Variants in EIF5 observed in about 807,000 individuals in gnomAD.
EIF5 encodes the protein eukaryotic translation initiation factor 5.
Under a neutral mutation model 48.3 loss-of-function variants are expected in EIF5, and 10 were observed. The observed-to-expected ratio is 0.21, with a 90% CI of 0.13 to 0.35. EIF5 has a LOEUF of 0.35. Ranked by LOEUF, EIF5 falls within the 10% of genes least tolerant of loss-of-function variation. The pLI is 1.00. For missense variants in EIF5, 397 were observed against 533.2 expected, an observed-to-expected ratio of 0.74 and a Z score of 2.51; for synonymous variants, 237 against 173.1, an observed-to-expected ratio of 1.37 and a Z score of -2.90.
intron 8 of EIF5, 31 bp downstream of exon 8, chr14:103,338,924 T>C (rs2089320890): frequency 6.2e-7 from 1 of 1,606,774 alleles, no homozygotes; most frequent in Non-Finnish European, 8.5e-7. Context: ...GTAAATCAGC[T>C]TCAACCCAGC....
In EIF5 at chr14:103,336,772, A is replaced by C. The variant is rs1246304898; in HGVS notation, c.250A>C (p.Lys84Gln). The C allele has an allele frequency of 6.2e-7, 1 of 1,614,206 alleles. No individual in the cohort carries two copies. Among genetic ancestry groups the C allele is most frequent in the Non-Finnish European group, 8.5e-7 (1 of 1,180,042 alleles). ...TGTCAATGGATCTCATGAGGCGAAT[A>C]AGCTGCAAGACATGTTGGATGGATT... ...YIVNGSHEAN[K>Q]LQDMLDGFIK... Residue 84 changes from lysine to glutamine, a missense_variant, in exon 5 of 12, where the codon AAG becomes CAG. Physicochemically the swap from Lys to Gln is moderately conservative, Grantham distance 53. Coordinates refer to ENST00000216554, the MANE Select transcript of EIF5 (RefSeq NM_001969.5).
intron 2 of EIF5, 127 bp downstream of exon 2, chr14:103,334,724 GCCGCCCCCTCC>G (rs1010902662): frequency 7.0e-6 from 1 of 143,442 alleles, no homozygotes; most frequent in Admixed American, 6.9e-5. Context: ...CCGGGCGCCG[GCCGCCCCCTCC>G]CCGCGCGCTC....
intron 9 of EIF5, 89 bp downstream of exon 9, chr14:103,339,422 T>C (rs1200412726): frequency 1.3e-6 from 2 of 1,500,612 alleles, no homozygotes; most frequent in African/African-American, 1.4e-5. Context: ...TGTCCTGTCA[T>C]GCTTGAAAGT....
At chr14:103,339,591 C>T in intron 9 of EIF5, 48 bp from the exon 10 acceptor site, 1 of 1,610,998 alleles carries the variant, frequency 6.2e-7, no homozygotes, top group Non-Finnish European at 8.5e-7. Flanking sequence ...GAGTTGTCAA[C>T]TTAGAACACA....
In EIF5 at chr14:103,335,703, C is replaced by G; in HGVS notation, c.-158C>G. ...GTATTGGGGAAACATAGCATACAAG[C>G]AAGAAGCTTACAGCCTCAGTGGCGA... On this transcript the variant is annotated 5_prime_UTR_variant, in exon 3 of 12. Transcript: ENST00000216554. 1 of 682,026 alleles carries G rather than the reference C, an allele frequency of 1.5e-6. No homozygotes were observed. Among genetic ancestry groups the G allele is most frequent in the Non-Finnish European group, 2.5e-6 (1 of 392,524 alleles). The allele number at this position is 682,026 out of a possible 1,614,324, so 42.2% of individuals were successfully genotyped here. A position where few individuals can be genotyped will look rare whatever the true frequency, so the allele number is the denominator to read the frequency against.
In EIF5 at chr14:103,339,817, AG is replaced by A. The variant is rs1428226994; in HGVS notation, c.1071+16del. The stretch of plus-strand genomic sequence containing the variant: ...TGGTCGGAAAAGGTGGGGAATACAT[AG>A]GTGGGCTCTTAAAGTTCACAGGTTT... On this transcript the variant is annotated intron_variant, in intron 10 of 11. Coordinates refer to ENST00000216554, the MANE Select transcript of EIF5 (RefSeq NM_001969.5). 42 of 1,609,022 alleles carry A rather than the reference AG, an allele frequency of 2.6e-5. No individual in the cohort carries two copies. Among genetic ancestry groups the A allele is most frequent in the Non-Finnish European group, 3.3e-5 (39 of 1,178,026 alleles).
At position 103,335,921 on chromosome 14, in the gene EIF5, C is replaced by G. The variant is rs2089279303; in HGVS notation, c.61C>G (p.Leu21Val). 1 of 1,614,088 alleles carries G rather than the reference C, an allele frequency of 6.2e-7. No individual in the cohort carries two copies. Among genetic ancestry groups the G allele is most frequent in the African/African-American group, 1.3e-5 (1 of 74,928 alleles). ...DQFYRYKMPR[L>V]IAKVEGKGNG... ...GTTCTATCGCTACAAGATGCCCCGT[C>G]TGATTGCCAAGGTAATAAACTGCTC... Residue 21 changes from leucine (L) to valine (V), a missense_variant, in exon 3 of 12, where the codon CTG becomes GTG. By Grantham distance (32) the Leu-to-Val change is conservative. Around this residue, in one of 4 missense-constraint regions of EIF5, gnomAD observed 108 missense variants for 188.3 expected, o/e 0.57. Coordinates refer to ENST00000216554, the MANE Select transcript of EIF5 (RefSeq NM_001969.5).
intron 2 of EIF5, 31 bp from the exon 3 acceptor site, chr14:103,335,622 T>C (rs935103275): frequency 2.2e-5 from 12 of 551,642 alleles, no homozygotes; most frequent in Non-Finnish European, 3.6e-5. Flanking sequence ...CCTGGGGGGA[T>C]TTTTGTGTGT....
chr14:103,338,989 A>G (rs2089321727), intron 8 of EIF5, 96 bp downstream of exon 8: 4 of 1,508,714 alleles, frequency 2.7e-6, no homozygotes, highest in Non-Finnish European at 3.6e-6. Flanking sequence ...GGATTACTCT[A>G]ATGCACGACT....
rs752020951 is a variant in EIF5, at chr14:103,339,712, C to G, written c.980C>G (p.Ala327Gly). 1 of 1,614,218 alleles carries G rather than the reference C, an allele frequency of 6.2e-7. No individual in the cohort carries two copies. Among genetic ancestry groups the G allele is most frequent in the East Asian group, 2.2e-5 (1 of 44,888 alleles). The change falls in exon 10 of 12, where the codon GCT becomes GGT. Residue 327 changes from alanine (A) to glycine (G), a missense_variant. Around this residue, in one of 4 missense-constraint regions of EIF5, gnomAD observed 160 missense variants for 184.8 expected, o/e 0.87. Transcript: ENST00000216554. ...GAGTGTGTGGTAGCAATGCATCAAG[C>G]TCAGCTTATCTCCAAGATTCCACAT... ...GLECVVAMHQAQLISKIPHIL... is the reference protein window; with the variant it reads ...GLECVVAMHQGQLISKIPHIL...
Position 103,341,312 on chromosome 14 carries a change from C to T in EIF5, c.*260C>T, listed in dbSNP as rs549615288. 1 of 327,844 alleles carries T rather than the reference C, an allele frequency of 3.1e-6. No homozygotes were observed. Among genetic ancestry groups the T allele is most frequent in the Non-Finnish European group, 5.8e-6 (1 of 173,160 alleles). 20.3% of individuals were successfully genotyped at this position (327,844 alleles called of 1,614,324 possible). A position where few individuals can be genotyped will look rare whatever the true frequency, so the allele number is the denominator to read the frequency against. ...AAACTAGTGGTGGACACATTTGGATCACATTTATACAGTTATAAAAATAAA... is the reference window on the plus strand; with the variant it reads ...AAACTAGTGGTGGACACATTTGGATTACATTTATACAGTTATAAAAATAAA... On this transcript the variant is annotated 3_prime_UTR_variant, in exon 12 of 12. Transcript: ENST00000216554.
intron 10 of EIF5, among the ~76,000 whole-genome samples, chr14:103,340,171 C>T (rs2089336515): frequency 6.6e-6 from 1 of 152,116 alleles, no homozygotes; most frequent in African/African-American, 2.4e-5. Flanking sequence ...ATTGAGACGG[C>T]TTTGAGATGA....
chr14:103,339,395 T>A, intron 9 of EIF5, 62 bp downstream of exon 9: 1 of 1,538,562 alleles, frequency 6.5e-7, no homozygotes, highest in Non-Finnish European at 8.7e-7. Context: ...GAGATGGTCA[T>A]ATTAACCACT....
chr14:103,343,490 A>G lies in EIF5; in HGVS notation c.*2438A>G, dbSNP rs926601335. On this transcript the variant is annotated 3_prime_UTR_variant, in exon 12 of 12. Transcript: ENST00000216554. ...TCTAGTTAAGAATGAGGGAATGGGGAGGTTTGCTTTCTAAACAAGTGCATT... is the reference window on the plus strand; with the variant it reads ...TCTAGTTAAGAATGAGGGAATGGGGGGGTTTGCTTTCTAAACAAGTGCATT... 6.6e-6 allele frequency: 1 copy of G among 152,176 alleles called. No individual in the cohort carries two copies. The highest frequency in any genetic ancestry group is 1.5e-5 in the Non-Finnish European group (1 of 68,038). 9.4% of individuals were successfully genotyped at this position (152,176 alleles called of 1,614,324 possible).
In EIF5 at chr14:103,338,868, T is replaced by C. The variant is rs1333410158; in HGVS notation, c.719T>C (p.Val240Ala). Residue 240 changes from valine to alanine, a missense_variant, in exon 8 of 12, where the codon GTC becomes GCC. This residue lies in a region of EIF5 where 126 missense variants were observed against 141.9 expected (regional missense o/e 0.89). Transcript: ENST00000216554. Reference protein sequence around the residue: ...DDLERTIEERVNILFDFVKKK... With the variant: ...DDLERTIEERANILFDFVKKK... ...TTGGAAAGAACAATTGAGGAGAGGG[T>C]CAATATCCTCTTTGATTTTGTTAAG... is the stretch of plus-strand genomic sequence containing the variant. The C allele has an allele frequency of 6.2e-7, 1 of 1,613,782 alleles. No homozygotes were observed. Among genetic ancestry groups the C allele is most frequent in the South Asian group, 1.1e-5 (1 of 90,920 alleles).
At position 103,339,163 on chromosome 14, in the gene EIF5, T is replaced by A. The variant is rs367982752; in HGVS notation, c.745-9T>A. On this transcript the variant is annotated splice_polypyrimidine_tract_variant and intron_variant, in intron 8 of 11. Transcript: ENST00000216554. The stretch of plus-strand genomic sequence containing the variant: ...CCATTGCACTGAATTGTTTTCCTTT[T>A]CTTTGCAGAAAAAGAAAGAAGAGGG... 7 of 1,600,446 alleles carry A rather than the reference T, an allele frequency of 4.4e-6. No individual in the cohort carries two copies. The African/African-American group carries it at 8.1e-5, about 19-fold the overall frequency.
At chr14:103,338,251 G>A (rs1038983493) in intron 6 of EIF5, 76 bp from the exon 7 acceptor site, 62 of 1,562,338 alleles carry the variant, frequency 4.0e-5, no homozygotes, top group Non-Finnish European at 5.0e-5. Flanking sequence ...TAAGGGCAGG[G>A]TTTTAAACGT....
rs2089355802 is a variant in EIF5, at chr14:103,341,802, AGC to A, written c.*751_*752del. 1 of 152,648 alleles carries A rather than the reference AGC, an allele frequency of 6.6e-6. No individual in the cohort carries two copies. Among genetic ancestry groups the A allele is most frequent in the South Asian group, 2.1e-4 (1 of 4,832 alleles). 9.5% of individuals were successfully genotyped at this position (152,648 alleles called of 1,614,324 possible). A position where few individuals can be genotyped will look rare whatever the true frequency, so the allele number is the denominator to read the frequency against. ...AGCCAGGGAAATTATTACATTAACA[AGC>A]ATTTTGTGTGTACGTAGTAGTTACT... On this transcript the variant is annotated 3_prime_UTR_variant, in exon 12 of 12. Transcript: ENST00000216554.
chr14:103,334,802 C>T (rs1003776103), intron 2 of EIF5: 13 of 150,306 alleles, frequency 8.6e-5, no homozygotes, highest in Non-Finnish European at 1.8e-4. Context: ...GCGTGCCCGC[C>T]GCTCGGGCTG....
Sources: gnomAD v4.1 joint callset for allele counts (sites outside exome capture counted in the v4.1 genomes callset) on GRCh38, gnomAD v4.1.1 for gene constraint, gnomAD v4.1.1 regional missense constraint, MANE v1.5 for transcripts, NCBI Gene and HGNC (gene_info 2026-07-23, HGNC 2026-07-21) for gene names.